SNX29: variants seen among roughly 807,000 people sequenced by gnomAD.
SNX29 encodes the protein sorting nexin-29.
SNX29 carries 78 observed loss-of-function variants against 102.1 expected under a neutral mutation model. The observed-to-expected ratio is 0.76, with a 90% CI of 0.64 to 0.92. SNX29 has a LOEUF of 0.92. SNX29 is among the 40% of genes least tolerant of loss of function. The probability of loss-of-function intolerance (pLI) is 0.00; values close to 1 mark genes in which losing one functional copy is unlikely to be tolerated. For synonymous variants in SNX29, 580 were observed against 414.5 expected, an observed-to-expected ratio of 1.40 and a Z score of -4.85; for missense variants, 1,280 against 1,061.7, an observed-to-expected ratio of 1.21 and a Z score of -2.86.
intron 20 of SNX29, among the ~76,000 whole-genome samples, chr16:12,555,618 C>G (rs777175582): frequency 4.0e-5 from 6 of 151,574 alleles, no homozygotes; most frequent in Admixed American, 6.6e-5. Flanking sequence ...GTCCAGTGTG[C>G]ATGCCACACC....
chr16:12,294,708 C>T (rs956353531), intron 15 of SNX29, among the ~76,000 whole-genome samples: 1 of 152,154 alleles, frequency 6.6e-6, no homozygotes, highest in African/African-American at 2.4e-5. Context: ...TGTCCCCAGG[C>T]TGGCTCCTTG....
At chr16:12,220,131 G>C (rs7204451) in intron 14 of SNX29, among the ~76,000 whole-genome samples, 6,580 of 152,254 alleles carry the variant, frequency 0.043, 500 homozygotes, top group African/African-American at 0.15. Flanking sequence ...TTTCGCCACC[G>C]CGCTGTGAGT....
chr16:12,250,645 A>C (rs2078394796), intron 14 of SNX29, among the ~76,000 whole-genome samples: 1 of 152,028 alleles, frequency 6.6e-6, no homozygotes, highest in Admixed American at 6.6e-5. Flanking sequence ...TTCTTTAAGC[A>C]CTCATTTTTG....
In SNX29 at chr16:12,570,520, G is replaced by C. The variant is rs530518613; in HGVS notation, c.*1891G>C. On this transcript the variant is annotated 3_prime_UTR_variant, in exon 21 of 21. Coordinates refer to ENST00000566228, the MANE Select transcript of SNX29 (RefSeq NM_032167.5). ...CCTTAGGTTGGGTTTATGCCACATC[G>C]GTCATTTTGAAGTAGGTGTTTGATG... 3 of 232,370 alleles carry C rather than the reference G, an allele frequency of 1.3e-5. No individual in the cohort carries two copies. The highest frequency in any genetic ancestry group is 2.2e-5 in the African/African-American group (1 of 45,260). 14.4% of individuals were successfully genotyped at this position (232,370 alleles called of 1,614,324 possible). A position where few individuals can be genotyped will look rare whatever the true frequency, so the allele number is the denominator to read the frequency against.
At chr16:12,022,091 G>GT (rs34463878) in intron 3 of SNX29, among the ~76,000 whole-genome samples, 15,985 of 131,040 alleles carry the variant, frequency 0.12, 1,186 homozygotes, top group African/African-American at 0.21. Context: ...CTGGGGGGAA[G>GT]TTTTTTTTTT....
intron 15 of SNX29, among the ~76,000 whole-genome samples, chr16:12,290,860 T>C (rs1345736259): frequency 6.6e-6 from 1 of 152,182 alleles, no homozygotes; most frequent in Non-Finnish European, 1.5e-5. Flanking sequence ...AAGCTTTGTG[T>C]TCCATGATGC....
At chr16:12,534,434 G>T (rs2141194497) in intron 20 of SNX29, among the ~76,000 whole-genome samples, 1 of 152,318 alleles carries the variant, frequency 6.6e-6, no homozygotes, top group Non-Finnish European at 1.5e-5. Flanking sequence ...GCACTCGGTT[G>T]CCTGTAGAAA....
At chr16:12,553,100 TGGGGCTTTCAGGCTGGGAGGGCC>T (rs2078091304) in intron 20 of SNX29, among the ~76,000 whole-genome samples, 1 of 147,610 alleles carries the variant, frequency 6.8e-6, no homozygotes, top group African/African-American at 2.7e-5. Flanking sequence ...AGGCTTGGCC[TGGGGCTTTCAGGCTGGGAGGGCC>T]TTGGGCTTCT....
intron 20 of SNX29, among the ~76,000 whole-genome samples, chr16:12,558,883 C>G (rs2078542160): frequency 6.6e-6 from 1 of 152,182 alleles, no homozygotes; most frequent in Admixed American, 6.5e-5. Flanking sequence ...GAAAATGTGC[C>G]TGAGTTTGCT....
intron 19 of SNX29, among the ~76,000 whole-genome samples, chr16:12,480,610 C>G (rs1174137868): frequency 6.6e-6 from 1 of 152,138 alleles, no homozygotes; most frequent in African/African-American, 2.4e-5. Context: ...TTATTGCGCC[C>G]ACCACATGTT....
intron 20 of SNX29, among the ~76,000 whole-genome samples, chr16:12,529,632 C>T (rs2076878914): frequency 6.6e-6 from 1 of 152,128 alleles, no homozygotes; most frequent in Non-Finnish European, 1.5e-5. Flanking sequence ...CACAAATTCC[C>T]AACTGGATTT....
intron 7 of SNX29, among the ~76,000 whole-genome samples, chr16:12,049,205 C>G (rs2050206647): frequency 6.6e-6 from 1 of 152,158 alleles, no homozygotes; most frequent in Admixed American, 6.5e-5. Context: ...AGAGTTGATT[C>G]AGGCCGGTCG....
intron 15 of SNX29, among the ~76,000 whole-genome samples, chr16:12,317,122 C>T (rs114731352): frequency 6.6e-6 from 1 of 152,222 alleles, no homozygotes; most frequent in Non-Finnish European, 1.5e-5. Flanking sequence ...TTTCCACTTT[C>T]CTATTGTACA....
At chr16:12,240,967 C>T (rs1280874390) in intron 14 of SNX29, among the ~76,000 whole-genome samples, 1 of 152,034 alleles carries the variant, frequency 6.6e-6, no homozygotes, top group Non-Finnish European at 1.5e-5. Context: ...TATTTTGACC[C>T]ATAGTGGTTT....
chr16:12,452,864 T>A (rs1253284549), intron 18 of SNX29, among the ~76,000 whole-genome samples: 1 of 152,208 alleles, frequency 6.6e-6, no homozygotes, highest in African/African-American at 2.4e-5. Flanking sequence ...GGTTTTAAAA[T>A]AAAATTGCTC....
chr16:12,013,288 G>T (rs1250566985), intron 3 of SNX29, among the ~76,000 whole-genome samples: 1 of 151,002 alleles, frequency 6.6e-6, no homozygotes. Context: ...GCAAATTAAA[G>T]CAACAGTGAG....
At chr16:12,535,233 G>C (rs2077041746) in intron 20 of SNX29, among the ~76,000 whole-genome samples, 1 of 152,134 alleles carries the variant, frequency 6.6e-6, no homozygotes. Context: ...CTGCCTCCTG[G>C]GCTCAAGCGA....
At chr16:12,156,861 C>T (rs765530441) in intron 13 of SNX29, among the ~76,000 whole-genome samples, 9 of 152,164 alleles carry the variant, frequency 5.9e-5, no homozygotes, top group African/African-American at 9.7e-5. Context: ...CCCTGGAGCT[C>T]GGGTGTGTGT....
At chr16:12,087,784 C>G (rs930123698) in intron 11 of SNX29, 31 of 449,340 alleles carry the variant, frequency 6.9e-5, no homozygotes, top group Non-Finnish European at 1.3e-5. Context: ...CACAGCCAAA[C>G]TTCTGGGGCT....
Sources: allele counts gnomAD v4.1 joint callset (sites outside exome capture counted in the v4.1 genomes callset), GRCh38; gene constraint gnomAD v4.1.1; transcripts MANE v1.5; gene names NCBI Gene and HGNC (gene_info 2026-07-23, HGNC 2026-07-21).